The following LPP variants were observed in gnomAD, a reference collection of about 807,000 sequenced individuals.
LPP encodes LIM domain containing preferred translocation partner in lipoma.
In LPP, 38 loss-of-function variants were observed where a neutral mutation model predicts 60.4. The observed-to-expected ratio is 0.63, with a 90% CI of 0.49 to 0.83. The LOEUF (loss-of-function observed/expected upper bound fraction) is 0.83. Among genes scored for constraint, LPP ranks in the 40% least tolerant of loss-of-function variants. The probability of loss-of-function intolerance (pLI) is 0.00; values close to 1 mark genes in which losing one functional copy is unlikely to be tolerated. For synonymous variants in LPP, 328 were observed against 290.8 expected (o/e 1.13, Z -1.30); for missense variants, 902 against 783.6 (o/e 1.15, Z -1.80).
At chr3:188,165,849 G>A (rs1283344449) in intron 1 of LPP, among the ~76,000 whole-genome samples, 1 of 152,104 alleles carries the variant, frequency 6.6e-6, no homozygotes, top group Non-Finnish European at 1.5e-5. Context: ...AAAATTACAC[G>A]TGCAAAGTTC....
intron 9 of LPP, among the ~76,000 whole-genome samples, chr3:188,776,117 G>A (rs553741965): frequency 6.6e-6 from 1 of 152,350 alleles, no homozygotes; most frequent in South Asian, 2.1e-4. Context: ...TGAATGAGAA[G>A]TATCAGACAT....
chr3:188,657,343 A>G (rs1044029892), intron 7 of LPP, among the ~76,000 whole-genome samples: 6 of 147,366 alleles, frequency 4.1e-5, no homozygotes, highest in African/African-American at 1.2e-4. Context: ...TGGATAAAAA[A>G]TGTATAAAAA....
At chr3:188,774,354 G>C (rs990135800) in intron 9 of LPP, among the ~76,000 whole-genome samples, 1 of 151,918 alleles carries the variant, frequency 6.6e-6, no homozygotes, top group African/African-American at 2.4e-5. Context: ...TGTTTTAACC[G>C]TTTACCACTT....
chr3:188,495,082 A>ATATATATTT (rs1342207321), intron 5 of LPP, among the ~76,000 whole-genome samples: 4 of 97,270 alleles, frequency 4.1e-5, no homozygotes, highest in African/African-American at 1.6e-4. Context: ...ATATATATAT[A>ATATATATTT]TTTTATTTAT....
At chr3:188,605,083 C>G (rs996732767) in intron 6 of LPP, among the ~76,000 whole-genome samples, 1 of 152,144 alleles carries the variant, frequency 6.6e-6, no homozygotes. Context: ...ATCCATCATT[C>G]CCCTAACCTG....
chr3:188,602,089 TAC>T (rs1383351471), intron 6 of LPP, among the ~76,000 whole-genome samples: 2 of 98,398 alleles, frequency 2.0e-5, no homozygotes, highest in East Asian at 3.2e-4. Flanking sequence ...TATATATATA[TAC>T]ACACACATAT....
chr3:188,389,352 C>G (rs965741832), intron 3 of LPP, among the ~76,000 whole-genome samples: 10 of 152,168 alleles, frequency 6.6e-5, no homozygotes, highest in Admixed American at 6.5e-4. Flanking sequence ...TGCCCAAGGG[C>G]CTGGGACTTG....
chr3:188,164,804 T>C (rs1387813309), intron 1 of LPP, among the ~76,000 whole-genome samples: 1 of 152,208 alleles, frequency 6.6e-6, no homozygotes, highest in African/African-American at 2.4e-5. Flanking sequence ...TAACATTCTT[T>C]CCATAAATTT....
chr3:188,510,948 T>G (rs1815299601), intron 5 of LPP, among the ~76,000 whole-genome samples: 1 of 152,162 alleles, frequency 6.6e-6, no homozygotes, highest in Non-Finnish European at 1.5e-5. Flanking sequence ...TAGTCTGCCT[T>G]CTAATATGGA....
intron 6 of LPP, among the ~76,000 whole-genome samples, chr3:188,576,003 C>T (rs1472238990): frequency 6.6e-6 from 1 of 152,158 alleles, no homozygotes; most frequent in Non-Finnish European, 1.5e-5. Context: ...GAGAAGAAGC[C>T]TGTCATCTGG....
chr3:188,377,905 T>G (rs966523598), intron 3 of LPP, among the ~76,000 whole-genome samples: 5 of 152,154 alleles, frequency 3.3e-5, no homozygotes, highest in African/African-American at 9.7e-5. Flanking sequence ...CCTGTCTGTT[T>G]GTTAGTTTTC....
intron 1 of LPP, among the ~76,000 whole-genome samples, chr3:188,185,251 T>C (rs1297996119): frequency 1.4e-5 from 2 of 147,580 alleles, no homozygotes; most frequent in African/African-American, 5.1e-5. Flanking sequence ...ACTCTTCATC[T>C]GTGAAATCGG....
chr3:188,686,109 A>G (rs1334343572), intron 7 of LPP, among the ~76,000 whole-genome samples: 1 of 152,140 alleles, frequency 6.6e-6, no homozygotes, highest in Non-Finnish European at 1.5e-5. Flanking sequence ...TACCTTTCCT[A>G]TGAACATTTT....
At chr3:188,413,889 A>G (rs532206310) in intron 4 of LPP, among the ~76,000 whole-genome samples, 7 of 152,314 alleles carry the variant, frequency 4.6e-5, no homozygotes, top group South Asian at 2.1e-4. Flanking sequence ...AGCTGGTAAT[A>G]CCAACTGCCT....
In LPP at chr3:188,484,687, G is replaced by A. The variant is rs889766019; in HGVS notation, c.289G>A (p.Glu97Lys). The change falls in exon 5 of 12, where the codon GAG becomes AAG. Residue 97 changes from glutamate to lysine, a missense_variant. Glu to Lys is a moderately conservative substitution (Grantham distance 56, BLOSUM62 1). Transcript: ENST00000617246. ...TCCTCCTCCACCACCTCTTGATGAA[G>A]AGGCTTTCAAAGTACAGGTAAGAGC... ...NFPPPPPLDE[E>K]AFKVQGNPGG... The A allele has an allele frequency of 6.2e-7, 1 of 1,611,768 alleles. No individual in the cohort carries two copies. The highest frequency in any genetic ancestry group is 1.3e-5 in the African/African-American group (1 of 74,916).
intron 9 of LPP, among the ~76,000 whole-genome samples, chr3:188,769,189 C>G (rs994427671): frequency 6.6e-6 from 1 of 152,162 alleles, no homozygotes; most frequent in Admixed American, 6.5e-5. Context: ...ATAATTAACT[C>G]ATGAGCAAAA....
intron 9 of LPP, among the ~76,000 whole-genome samples, chr3:188,828,450 C>CAAA (rs756013067): frequency 2.0e-4 from 24 of 119,020 alleles, no homozygotes; most frequent in African/African-American, 7.4e-4. Flanking sequence ...ACTAAAAATA[C>CAAA]AAAAAAAAAA....
intron 3 of LPP, among the ~76,000 whole-genome samples, chr3:188,394,058 T>TG (rs1327886766): frequency 6.6e-6 from 1 of 152,234 alleles, no homozygotes; most frequent in Non-Finnish European, 1.5e-5. Flanking sequence ...CCATTTATTT[T>TG]GCTAAGGAAA....
At chr3:188,417,504 T>C (rs1406055902) in intron 4 of LPP, among the ~76,000 whole-genome samples, 10 of 152,138 alleles carry the variant, frequency 6.6e-5, no homozygotes, top group Non-Finnish European at 1.3e-4. Context: ...AGCTCTTTGC[T>C]GATGTCCTCA....
Sources: allele counts gnomAD v4.1 joint callset (sites outside exome capture counted in the v4.1 genomes callset), GRCh38; gene constraint gnomAD v4.1.1; transcripts MANE v1.5; gene names NCBI Gene and HGNC (gene_info 2026-07-23, HGNC 2026-07-21).